VIT: variants seen among roughly 807,000 people sequenced by gnomAD.
VIT encodes vitrin.
VIT carries 99 observed loss-of-function variants against 78.0 expected under a neutral mutation model. That is an observed-to-expected ratio of 1.27 (90% CI 1.08 to 1.50). VIT has a LOEUF of 1.50. Among genes scored for constraint, VIT ranks in the 40% most tolerant of loss-of-function variants. The probability of loss-of-function intolerance (pLI) is 0.00; values close to 1 mark genes in which losing one functional copy is unlikely to be tolerated. For missense variants in VIT, 1,126 were observed against 875.3 expected (o/e 1.29, Z -3.61); for synonymous variants, 374 against 334.3 (o/e 1.12, Z -1.29).
chr2:36,721,558 C>A (rs1020963064), intron 2 of VIT, among the ~76,000 whole-genome samples: 2 of 152,202 alleles, frequency 1.3e-5, no homozygotes, highest in African/African-American at 4.8e-5. Flanking sequence ...CTCTTGCTCT[C>A]CATGCAAACT....
At chr2:36,720,998 G>A (rs903285666) in intron 2 of VIT, among the ~76,000 whole-genome samples, 4 of 147,568 alleles carry the variant, frequency 2.7e-5, no homozygotes, top group East Asian at 2.0e-4. Flanking sequence ...CAACAACAGC[G>A]AGACTCCATC....
chr2:36,718,877 G>T (rs979858552), intron 2 of VIT, among the ~76,000 whole-genome samples: 1 of 152,190 alleles, frequency 6.6e-6, no homozygotes, highest in Non-Finnish European at 1.5e-5. Context: ...GAAAGCACAA[G>T]GTCCTTCATT....
intron 4 of VIT, among the ~76,000 whole-genome samples, chr2:36,753,887 G>A (rs747376495): frequency 6.6e-6 from 1 of 152,176 alleles, no homozygotes; most frequent in East Asian, 1.9e-4. Context: ...GACTTAAGGT[G>A]AGTTCAACCT....
chr2:36,760,671 G>C (rs539846524), intron 6 of VIT, among the ~76,000 whole-genome samples: 2 of 152,300 alleles, frequency 1.3e-5, no homozygotes, highest in African/African-American at 4.8e-5. Context: ...CTGATTCCTG[G>C]GTAGGTGATG....
intron 2 of VIT, 62 bp downstream of exon 2, chr2:36,716,484 C>A: frequency 6.6e-7 from 1 of 1,525,780 alleles, no homozygotes; most frequent in South Asian, 1.1e-5. Context: ...TCCAAAGAAT[C>A]TAGCCAAGAA....
intron 1 of VIT, among the ~76,000 whole-genome samples, chr2:36,711,938 A>T (rs569851432): frequency 2.0e-5 from 3 of 152,304 alleles, no homozygotes; most frequent in African/African-American, 7.2e-5. Context: ...CTCATGGCAC[A>T]ATCCATAAAT....
At chr2:36,697,317 A>G (rs2148395145) in intron 1 of VIT, among the ~76,000 whole-genome samples, 2 of 152,334 alleles carry the variant, frequency 1.3e-5, no homozygotes, top group Middle Eastern at 6.8e-3. Context: ...TTGCTTTTTT[A>G]AAAACTTTGC....
At chr2:36,771,211 T>C (rs907097460) in intron 7 of VIT, among the ~76,000 whole-genome samples, 3 of 95,052 alleles carry the variant, frequency 3.2e-5, no homozygotes, top group Non-Finnish European at 7.7e-5. Flanking sequence ...GAACTACAAA[T>C]GGCCAATAAA....
chr2:36,748,082 T>C (rs573237034), intron 4 of VIT, among the ~76,000 whole-genome samples: 64 of 152,356 alleles, frequency 4.2e-4, no homozygotes, highest in Non-Finnish European at 7.6e-4. Context: ...AACTTTCTGC[T>C]GAGAAGTCCA....
In VIT at chr2:36,800,410, G is replaced by A. The variant is rs544953627; in HGVS notation, c.1059-891G>A. The stretch of plus-strand genomic sequence containing the variant: ...CTGGACTGACTACATAATGTGCAGG[G>A]CAGCTTGTTCAAAAATGATGAAGAA... On this transcript the variant is annotated intron_variant, in intron 12 of 15. Coordinates refer to ENST00000379242, the MANE Select transcript of VIT (RefSeq NM_053276.4). Among the ~76,000 whole-genome samples, 80 of 152,272 alleles carry A rather than the reference G, an allele frequency of 5.3e-4. 1 individual carries two copies. The highest frequency in any genetic ancestry group is 2.9e-3 in the Admixed American group (44 of 15,296).
At chr2:36,748,742 G>C (rs2148531636) in intron 4 of VIT, among the ~76,000 whole-genome samples, 1 of 152,204 alleles carries the variant, frequency 6.6e-6, no homozygotes, top group East Asian at 1.9e-4. Flanking sequence ...TCCTGTTCAG[G>C]ACTGAGCTAG....
At chr2:36,726,859 G>A (rs1490914135) in intron 2 of VIT, among the ~76,000 whole-genome samples, 1 of 148,838 alleles carries the variant, frequency 6.7e-6, no homozygotes, top group Non-Finnish European at 1.5e-5. Flanking sequence ...CCTCAGAAGA[G>A]AGGCTGTCTG....
chr2:36,726,930 G>A (rs1206496630), intron 2 of VIT, among the ~76,000 whole-genome samples: 2 of 151,636 alleles, frequency 1.3e-5, no homozygotes, highest in Admixed American at 6.6e-5. Context: ...CGAGGTCTGA[G>A]AAAGCTCTAT....
intron 2 of VIT, among the ~76,000 whole-genome samples, chr2:36,717,311 G>T (rs1435736365): frequency 6.7e-6 from 1 of 148,586 alleles, no homozygotes; most frequent in Non-Finnish European, 1.5e-5. Flanking sequence ...GGGACTACAG[G>T]CTCCCACCAC....
intron 12 of VIT, among the ~76,000 whole-genome samples, chr2:36,795,080 C>G (rs927271039): frequency 2.0e-5 from 3 of 152,124 alleles, no homozygotes. Flanking sequence ...TATTTAGTAC[C>G]TCCTGGATGC....
chr2:36,776,460 T>A (rs1272969423), intron 9 of VIT, among the ~76,000 whole-genome samples: 1 of 152,098 alleles, frequency 6.6e-6, no homozygotes, highest in Non-Finnish European at 1.5e-5. Flanking sequence ...TCAGTAAAAA[T>A]TAACGCTTAC....
intron 2 of VIT, among the ~76,000 whole-genome samples, chr2:36,722,194 T>A (rs559175037): frequency 6.6e-6 from 1 of 152,246 alleles, no homozygotes; most frequent in African/African-American, 2.4e-5. Context: ...TAGAGCAGAG[T>A]TTTATACTGC....
At chr2:36,703,818 A>T (rs1457015146) in intron 1 of VIT, among the ~76,000 whole-genome samples, 3 of 151,988 alleles carry the variant, frequency 2.0e-5, no homozygotes, top group Non-Finnish European at 2.9e-5. Context: ...TGTTAAATGG[A>T]GTTCAGTGTT....
intron 4 of VIT, among the ~76,000 whole-genome samples, chr2:36,753,747 G>A (rs1232937204): frequency 2.0e-5 from 3 of 152,152 alleles, no homozygotes; most frequent in African/African-American, 7.2e-5. Context: ...GCCTGCCATC[G>A]GGAGATGTGA....
Sources: allele counts gnomAD v4.1 joint callset (sites outside exome capture counted in the v4.1 genomes callset), GRCh38; gene constraint gnomAD v4.1.1; transcripts MANE v1.5; gene names NCBI Gene and HGNC (gene_info 2026-07-23, HGNC 2026-07-21).